Variants in LAMP5 observed in about 807,000 individuals in gnomAD.
LAMP5 encodes lysosome associated membrane protein 5.
In LAMP5, 36 loss-of-function variants were observed where a neutral mutation model predicts 30.2. The observed-to-expected ratio is 1.19, with a 90% CI of 0.91 to 1.57. The LOEUF is 1.57. Ranked by LOEUF, LAMP5 falls within the 40% of genes most tolerant of loss-of-function variation. The probability of loss-of-function intolerance (pLI) is 0.00; values close to 1 mark genes in which losing one functional copy is unlikely to be tolerated. For synonymous variants in LAMP5, 149 were observed against 134.6 expected (o/e 1.11, Z -0.74); for missense variants, 377 against 354.9 (o/e 1.06, Z -0.50).
intron 1 of LAMP5, among the ~76,000 whole-genome samples, chr20:9,515,220 T>C (rs894402023): frequency 6.6e-6 from 1 of 151,334 alleles, no homozygotes; most frequent in South Asian, 2.1e-4. Flanking sequence ...CAGCCAGCTA[T>C]ATTACAAACA....
At chr20:9,519,108 A>G (rs921401836) in intron 5 of LAMP5, among the ~76,000 whole-genome samples, 1 of 152,206 alleles carries the variant, frequency 6.6e-6, no homozygotes, top group Non-Finnish European at 1.5e-5. Flanking sequence ...GTTCAAGTCA[A>G]GCAACAATTC....
intron 5 of LAMP5, among the ~76,000 whole-genome samples, chr20:9,520,296 G>A (rs1019612842): frequency 3.3e-5 from 5 of 152,238 alleles, no homozygotes; most frequent in African/African-American, 4.8e-5. Context: ...CACTGGATCA[G>A]TGTGCCTTTG....
Position 9,515,470 on chromosome 20 carries a change from A to G in LAMP5, c.82A>G (p.Met28Val). The G allele has an allele frequency of 1.9e-6, 3 of 1,613,998 alleles. No individual in the cohort carries two copies. The highest frequency in any genetic ancestry group is 2.5e-6 in the Non-Finnish European group (3 of 1,179,920). Reference protein sequence around the residue: ...LMLFHTMAQIMAEQEVENLSG... With the variant: ...LMLFHTMAQIVAEQEVENLSG... ...TTCCGCAGATACAATGGCTCAAATCATGGCAGAACAAGAAGTGGAAAATCT... is the reference window on the plus strand; with the variant it reads ...TTCCGCAGATACAATGGCTCAAATCGTGGCAGAACAAGAAGTGGAAAATCT... The change falls in exon 2 of 6, where the codon ATG (methionine) becomes GTG (valine). Residue 28 changes from methionine (M) to valine (V), a missense_variant. Transcript: ENST00000246070.
At chr20:9,516,563 C>T (rs968616813) in intron 4 of LAMP5, among the ~76,000 whole-genome samples, 2 of 152,142 alleles carry the variant, frequency 1.3e-5, no homozygotes, top group African/African-American at 4.8e-5. Context: ...CCGCCAGGAA[C>T]CGCAGGCGTG....
At chr20:9,529,619 G>T (rs770735042) in intron 5 of LAMP5, 23 bp from the exon 6 acceptor site, 2 of 1,608,840 alleles carry the variant, frequency 1.2e-6, no homozygotes, top group Non-Finnish European at 1.7e-6. Flanking sequence ...AGAGCTCTCT[G>T]CTTTTCTTCT....
chr20:9,524,639 T>C (rs1172657042), intron 5 of LAMP5, among the ~76,000 whole-genome samples: 2 of 144,652 alleles, frequency 1.4e-5, no homozygotes, highest in South Asian at 4.5e-4. Context: ...ACCTTGGTGC[T>C]AGATGGTTTT....
At chr20:9,523,419 G>A (rs765757936) in intron 5 of LAMP5, among the ~76,000 whole-genome samples, 4 of 152,068 alleles carry the variant, frequency 2.6e-5, no homozygotes, top group Admixed American at 2.0e-4. Context: ...GCAATGAAGC[G>A]CTCTTGTAGT....
intron 5 of LAMP5, among the ~76,000 whole-genome samples, chr20:9,520,688 G>A (rs566826683): frequency 6.6e-6 from 1 of 152,132 alleles, no homozygotes; most frequent in South Asian, 2.1e-4. Context: ...CCCTGTGTAA[G>A]GGGGTCATAC....
chr20:9,520,320 T>G (rs1027129647), intron 5 of LAMP5, among the ~76,000 whole-genome samples: 1 of 152,234 alleles, frequency 6.6e-6, no homozygotes, highest in African/African-American at 2.4e-5. Flanking sequence ...GGCTGCGTTT[T>G]TTTGTTCCTG....
intron 5 of LAMP5, 35 bp from the exon 6 acceptor site, chr20:9,529,607 C>T: frequency 6.3e-7 from 1 of 1,596,624 alleles, no homozygotes; most frequent in Non-Finnish European, 8.6e-7. Context: ...GATGTTTTGA[C>T]CAGAGCTCTC....
In LAMP5 at chr20:9,518,158, G is replaced by A. The variant is rs757448431; in HGVS notation, c.594G>A (p.Thr198=). ...TGGCCTCTAGTGATCCGCAGAAGAC[G>A]GTCACCATGATCCTGTCTGCGGTCC... ...ISLASSDPQK[T]VTMILSAVHI... is the part of the protein sequence containing the mutation. Residue 198 remains threonine, a synonymous_variant, in exon 5 of 6, where the codon ACG becomes ACA. Coordinates refer to ENST00000246070, the MANE Select transcript of LAMP5 (RefSeq NM_012261.4). 43 of 1,614,008 alleles carry A rather than the reference G, an allele frequency of 2.7e-5. 1 individual carries two copies. The highest frequency in any genetic ancestry group is 3.0e-5 in the Non-Finnish European group (35 of 1,180,012).
intron 4 of LAMP5, 54 bp from the exon 5 acceptor site, chr20:9,517,986 C>T (rs563383643): frequency 1.8e-4 from 184 of 1,021,592 alleles, no homozygotes; most frequent in Non-Finnish European, 2.4e-4. Flanking sequence ...CTCTCTGGCA[C>T]ATTAGGTTAG....
intron 5 of LAMP5, among the ~76,000 whole-genome samples, chr20:9,518,950 T>A (rs2045061791): frequency 6.6e-6 from 1 of 152,220 alleles, no homozygotes; most frequent in Non-Finnish European, 1.5e-5. Context: ...CTGCTTCTGC[T>A]GAGTGTGGAG....
intron 5 of LAMP5, among the ~76,000 whole-genome samples, chr20:9,528,355 A>G (rs2122851496): frequency 6.6e-6 from 1 of 151,954 alleles, no homozygotes; most frequent in South Asian, 2.1e-4. Context: ...AGAGTGGACT[A>G]AAGAGAGGTT....
In LAMP5 at chr20:9,527,465, G is replaced by A. The variant is rs536434482; in HGVS notation, c.665-2177G>A. On this transcript the variant is annotated intron_variant, in intron 5 of 5. Coordinates refer to ENST00000246070, the MANE Select transcript of LAMP5 (RefSeq NM_012261.4). The stretch of plus-strand genomic sequence containing the variant: ...AAGTCTCCACTAATTGTTATTATTA[G>A]AGAGGAAAGCTCATCCCTTTTCATT... Among the ~76,000 whole-genome samples, 75 of 152,310 alleles carry A rather than the reference G, an allele frequency of 4.9e-4. 2 individuals are homozygous for A. The highest frequency in any genetic ancestry group is 1.6e-3 in the African/African-American group (67 of 41,572).
At chr20:9,523,634 C>T (rs2045093090) in intron 5 of LAMP5, among the ~76,000 whole-genome samples, 1 of 152,060 alleles carries the variant, frequency 6.6e-6, no homozygotes, top group African/African-American at 2.4e-5. Flanking sequence ...AATGATGAGG[C>T]TGGTTTTTGT....
At position 9,516,262 on chromosome 20, in the gene LAMP5, CACA is replaced by C. The variant is rs753617923; in HGVS notation, c.380_382del (p.Asn127del). On this transcript the variant is annotated inframe_deletion, in exon 4 of 6. Coordinates refer to ENST00000246070, the MANE Select transcript of LAMP5 (RefSeq NM_012261.4). The stretch of plus-strand genomic sequence containing the variant: ...CACCTCCCCGGCTCAACAGGAAAGC[CACA>C]ACATGTCCAAGGGACCTGAGGCGAC... 1 of 1,614,126 alleles carries C rather than the reference CACA, an allele frequency of 6.2e-7. No individual in the cohort carries two copies. Among genetic ancestry groups the C allele is most frequent in the Non-Finnish European group, 8.5e-7 (1 of 1,180,022 alleles).
At chr20:9,524,821 A>G (rs957447344) in intron 5 of LAMP5, among the ~76,000 whole-genome samples, 5 of 152,216 alleles carry the variant, frequency 3.3e-5, no homozygotes, top group African/African-American at 9.6e-5. Flanking sequence ...TGAAAACTAC[A>G]AGCAGCCTCA....
At chr20:9,515,861 C>A (rs1264960837) in intron 2 of LAMP5, 139 bp from the exon 3 acceptor site, 1 of 1,062,622 alleles carries the variant, frequency 9.4e-7, no homozygotes, top group Non-Finnish European at 1.3e-6. Flanking sequence ...AGCATCTAAC[C>A]GCATGTTCCC....
Sources: allele counts gnomAD v4.1 joint callset (sites outside exome capture counted in the v4.1 genomes callset), GRCh38; gene constraint gnomAD v4.1.1; transcripts MANE v1.5; gene names NCBI Gene and HGNC (gene_info 2026-07-23, HGNC 2026-07-21).